Variants in CKAP5 observed in about 807,000 individuals in gnomAD.
The protein encoded by CKAP5 is cytoskeleton-associated protein 5.
A neutral mutation model predicts 232.8 loss-of-function variants in CKAP5; 27 were observed. The ratio of observed to expected loss-of-function variants is 0.12; its 90% CI spans 0.09 to 0.16. The LOEUF (loss-of-function observed/expected upper bound fraction) is 0.16. Among genes scored for constraint, CKAP5 ranks in the 10% least tolerant of loss-of-function variants. CKAP5 has a pLI of 1.00. For missense variants in CKAP5, 1,838 were observed against 2,424.7 expected (o/e 0.76, Z 5.08); for synonymous variants, 785 against 841.1 (o/e 0.93, Z 1.16).
intron 1 of CKAP5, among the ~76,000 whole-genome samples, chr11:46,832,048 A>C: frequency 6.7e-6 from 1 of 149,666 alleles, no homozygotes; most frequent in East Asian, 2.0e-4. Flanking sequence ...TTTTGTAGAG[A>C]TGGGGTCTCA....
intron 42 of CKAP5, among the ~76,000 whole-genome samples, chr11:46,745,376 G>C (rs2065014840): frequency 6.6e-6 from 1 of 152,182 alleles, no homozygotes; most frequent in Non-Finnish European, 1.5e-5. Context: ...GGTGAAAAAT[G>C]AATGAAGAAT....
intron 32 of CKAP5, 139 bp from the exon 33 acceptor site, chr11:46,760,923 C>A (rs2065149367): frequency 1.4e-6 from 1 of 706,622 alleles, no homozygotes; most frequent in Non-Finnish European, 2.3e-6. Context: ...CTATTAATAC[C>A]TGCCTAGCTG....
chr11:46,759,542 C>T (rs904917450), intron 33 of CKAP5, 100 bp from the exon 34 acceptor site: 2 of 1,216,636 alleles, frequency 1.6e-6, no homozygotes, highest in Non-Finnish European at 2.2e-6. Context: ...GACAGATGTT[C>T]AACTTCTGGT....
intron 18 of CKAP5, among the ~76,000 whole-genome samples, chr11:46,781,113 ACTC>A (rs1176698848): frequency 6.6e-5 from 10 of 151,478 alleles, no homozygotes; most frequent in Admixed American, 1.3e-4. Flanking sequence ...CTGAAACCAA[ACTC>A]CTGATTGTCC....
chr11:46,748,287 T>C (rs1273081724), intron 42 of CKAP5, among the ~76,000 whole-genome samples: 3 of 152,030 alleles, frequency 2.0e-5, no homozygotes, highest in South Asian at 4.1e-4. Context: ...AGCAGGAAGA[T>C]AGTACAGTAA....
chr11:46,744,557 C>T lies in CKAP5; in HGVS notation c.5725G>A (p.Val1909Ile), dbSNP rs2065008736. 3 of 1,613,940 alleles carry T rather than the reference C, an allele frequency of 1.9e-6. No individual in the cohort carries two copies. Among genetic ancestry groups the T allele is most frequent in the Admixed American group, 1.7e-5 (1 of 59,958 alleles). The change falls in exon 43 of 44, where the codon GTC becomes ATC. Residue 1909 changes from valine (V) to isoleucine (I), a missense_variant. Val to Ile is a conservative substitution (Grantham distance 29). Coordinates refer to ENST00000529230, the MANE Select transcript of CKAP5 (RefSeq NM_001008938.4). ...TSTGISPQME[V>I]TCVPTPTSTV... ...CTTGTGGGCGTGGGCACACATGTGA[C>T]TTCCATCTGAGGGGAGATGCCTAGA...
At chr11:46,835,813 TAAG>T (rs1457797469) in intron 1 of CKAP5, among the ~76,000 whole-genome samples, 1 of 152,212 alleles carries the variant, frequency 6.6e-6, no homozygotes, top group African/African-American at 2.4e-5. Context: ...CTCATTTTCA[TAAG>T]AATAGCTATA....
At chr11:46,806,547 C>A (rs1014283858) in intron 8 of CKAP5, among the ~76,000 whole-genome samples, 2 of 152,114 alleles carry the variant, frequency 1.3e-5, no homozygotes, top group Non-Finnish European at 2.9e-5. Flanking sequence ...CTCTTTTTCC[C>A]CTAGGGCAAC....
chr11:46,779,407 A>T (rs1246751122), intron 20 of CKAP5, among the ~76,000 whole-genome samples: 1 of 152,200 alleles, frequency 6.6e-6, no homozygotes, highest in Non-Finnish European at 1.5e-5. Flanking sequence ...TGATGGGATT[A>T]CAGGCGTGAG....
At position 46,782,597 on chromosome 11, in the gene CKAP5, T is replaced by C. The variant is rs143168500; in HGVS notation, c.2249+677A>G. On this transcript the variant is annotated intron_variant, in intron 18 of 43. Transcript: ENST00000529230. Reference sequence around the variant, plus strand: ...TGGCACAGAGAAAGGTAACATAGTATAGCAGCTACATCATTCTTTCTCCAA... The same window carrying C: ...TGGCACAGAGAAAGGTAACATAGTACAGCAGCTACATCATTCTTTCTCCAA... 5.9e-5 allele frequency among the ~76,000 whole-genome samples: 9 copies of C among 152,328 alleles called. No individual in the cohort carries two copies. In the East Asian group the frequency reaches 1.5e-3, roughly 26 times the overall value.
intron 1 of CKAP5, 148 bp from the exon 2 acceptor site, chr11:46,821,416 C>T: frequency 2.6e-6 from 1 of 380,410 alleles, no homozygotes; most frequent in African/African-American, 2.4e-5. Flanking sequence ...ATTCAATTAA[C>T]AGGACTTTTT....
At chr11:46,768,229 C>T (rs898356194) in intron 26 of CKAP5, among the ~76,000 whole-genome samples, 1 of 151,886 alleles carries the variant, frequency 6.6e-6, no homozygotes. Flanking sequence ...GGGTTTCTGT[C>T]ACACAGACTA....
chr11:46,797,776 ATTCCCCCAAC>A lies in CKAP5; in HGVS notation c.1338+19_1338+28del. 1 of 1,580,766 alleles carries A rather than the reference ATTCCCCCAAC, an allele frequency of 6.3e-7. No homozygotes were observed. Among genetic ancestry groups the A allele is most frequent in the South Asian group, 1.2e-5 (1 of 85,506 alleles). On this transcript the variant is annotated intron_variant, in intron 11 of 43. Transcript: ENST00000529230. Reference sequence around the variant, plus strand: ...AAAGAATCTTGCCTAGGTATAAAATATTCCCCCAACTTCAAAGAGAGTCTGTACCTTAAGT... The same window carrying A: ...AAAGAATCTTGCCTAGGTATAAAATATTCAAAGAGAGTCTGTACCTTAAGT...
rs1273870280 is a variant in CKAP5, at chr11:46,753,405, C to T, written c.4962G>A (p.Arg1654=). ...GTTGTCCTTCCTCAAGATCTTCAAT[C>T]CGAGAATCCAGCATTAAGGTGATGA... is the stretch of plus-strand genomic sequence containing the variant. ...HGLITLMLDS[R]IEDLEEGQQV... The change falls in exon 37 of 44, where the codon CGG becomes CGA. Residue 1654 remains arginine, a synonymous_variant. Transcript: ENST00000529230. 3 of 1,614,010 alleles carry T rather than the reference C, an allele frequency of 1.9e-6. No homozygotes were observed.
intron 24 of CKAP5, among the ~76,000 whole-genome samples, chr11:46,772,341 T>C (rs902779365): frequency 1.3e-5 from 2 of 152,198 alleles, no homozygotes; most frequent in African/African-American, 2.4e-5. Flanking sequence ...TTTCCTTTTA[T>C]GGATTATGGT....
At chr11:46,761,916 G>T in intron 32 of CKAP5, 84 bp downstream of exon 32, 1 of 1,143,330 alleles carries the variant, frequency 8.7e-7, no homozygotes, top group Non-Finnish European at 1.3e-6. Context: ...CTTAGCTACA[G>T]TTGAGAGGAC....
At position 46,762,725 on chromosome 11, in the gene CKAP5, C is replaced by A; in HGVS notation, c.3929G>T (p.Arg1310Leu). Reference protein sequence around the residue: ...EPKDVIRKDVRAILNRMCLVY... With the variant: ...EPKDVIRKDVLAILNRMCLVY... ...AAGGCACATCCGGTTCAGGATGGCA[C>A]GAACATCTTTACGAATGACATCCTT... is the stretch of plus-strand genomic sequence containing the variant. The change falls in exon 31 of 44, where the codon CGT (arginine) becomes CTT (leucine). Residue 1310 changes from arginine (R) to leucine (L), a missense_variant. Coordinates refer to ENST00000529230, the MANE Select transcript of CKAP5 (RefSeq NM_001008938.4). 6.2e-7 allele frequency: 1 copy of A among 1,613,842 alleles called. No homozygotes were observed. The highest frequency in any genetic ancestry group is 8.5e-7 in the Non-Finnish European group (1 of 1,179,816).
At chr11:46,790,430 C>A in intron 14 of CKAP5, 40 bp downstream of exon 14, 1 of 1,402,368 alleles carries the variant, frequency 7.1e-7, no homozygotes, top group Non-Finnish European at 1.0e-6. Context: ...TCTCACTTTG[C>A]AGGGTTCATG....
intron 35 of CKAP5, 197 bp downstream of exon 35, chr11:46,758,726 A>T (rs2065130570): frequency 3.9e-6 from 2 of 518,020 alleles, no homozygotes; most frequent in Non-Finnish European, 6.5e-6. Context: ...AAAAAAAAAA[A>T]AAAAATAAGG....
Sources: gnomAD v4.1 joint callset for allele counts (sites outside exome capture counted in the v4.1 genomes callset) on GRCh38, gnomAD v4.1.1 for gene constraint, MANE v1.5 for transcripts, NCBI Gene and HGNC (gene_info 2026-07-23, HGNC 2026-07-21) for gene names.